Variants in PDE1C observed in about 807,000 individuals in gnomAD.
PDE1C encodes dual specificity calcium/calmodulin-dependent 3',5'-cyclic nucleotide phosphodiesterase 1C.
PDE1C carries 62 observed loss-of-function variants against 93.1 expected under a neutral mutation model. The observed-to-expected ratio is 0.67, with a 90% CI of 0.54 to 0.82. The LOEUF (loss-of-function observed/expected upper bound fraction) is 0.82, where lower values mean the gene tolerates loss of function less well. Ranked by LOEUF, PDE1C falls within the 40% of genes least tolerant of loss-of-function variation. The pLI, the probability that PDE1C is intolerant of heterozygous loss-of-function variation, is 0.00. For synonymous variants in PDE1C, 325 were observed against 310.1 expected (o/e 1.05, Z -0.50); for missense variants, 742 against 884.6 (o/e 0.84, Z 2.04).
intron 1 of PDE1C, among the ~76,000 whole-genome samples, chr7:32,213,669 C>T (rs796446801): frequency 2.6e-5 from 4 of 152,290 alleles, no homozygotes; most frequent in African/African-American, 9.6e-5. Flanking sequence ...ATACAGCAAG[C>T]TTTCACAATA....
At chr7:32,381,441 C>T (rs563175163) in intron 1 of PDE1C, among the ~76,000 whole-genome samples, 3 of 152,194 alleles carry the variant, frequency 2.0e-5, no homozygotes, top group Admixed American at 6.5e-5. Flanking sequence ...ATATCCTTAT[C>T]GTGACTCATC....
At chr7:31,855,026 C>G (rs901834356) in intron 7 of PDE1C, among the ~76,000 whole-genome samples, 1 of 148,056 alleles carries the variant, frequency 6.8e-6, no homozygotes, top group Non-Finnish European at 1.5e-5. Flanking sequence ...GAGATCACAC[C>G]ACTGCACTCC....
At chr7:32,424,231 A>G (rs538079166) in intron 1 of PDE1C, among the ~76,000 whole-genome samples, 2 of 152,338 alleles carry the variant, frequency 1.3e-5, no homozygotes, top group Middle Eastern at 3.4e-3. Flanking sequence ...ACATGATGAC[A>G]GAGAAATAGT....
chr7:31,678,719 C>A, the PDE1C span, among the ~76,000 whole-genome samples: 1,729 of 152,172 alleles, frequency 0.011, 54 homozygotes, highest in African/African-American at 0.039. Flanking sequence ...TCTGAGGTCA[C>A]CAAAAGTATA....
chr7:31,616,896 T>C, the PDE1C span, among the ~76,000 whole-genome samples: 1 of 152,220 alleles, frequency 6.6e-6, no homozygotes, highest in Non-Finnish European at 1.5e-5. Flanking sequence ...TTGCTTACTT[T>C]TTGCCTTCTT....
chr7:31,775,158 T>C (rs980240746), intron 17 of PDE1C, among the ~76,000 whole-genome samples: 14 of 152,180 alleles, frequency 9.2e-5, no homozygotes, highest in Admixed American at 3.3e-4. Context: ...TATTTCTCGA[T>C]AGTAGAGATT....
At chr7:31,961,919 C>CA (rs1809052583) in intron 2 of PDE1C, among the ~76,000 whole-genome samples, 1 of 152,176 alleles carries the variant, frequency 6.6e-6, no homozygotes, top group South Asian at 2.1e-4. Context: ...AATCCTGACT[C>CA]AGATTGCTGA....
chr7:32,245,474 T>C (rs968913812), intron 1 of PDE1C, among the ~76,000 whole-genome samples: 3 of 152,192 alleles, frequency 2.0e-5, no homozygotes, highest in Non-Finnish European at 2.9e-5. Flanking sequence ...CTGTCCCTTC[T>C]CCAGCCCAAT....
At chr7:32,094,404 A>G (rs1314302839) in intron 3 of PDE1C, among the ~76,000 whole-genome samples, 2 of 152,238 alleles carry the variant, frequency 1.3e-5, no homozygotes, top group Non-Finnish European at 2.9e-5. Context: ...ATGAGGAAGC[A>G]CATGATATTT....
chr7:31,697,921 G>A, the PDE1C span, among the ~76,000 whole-genome samples: 2 of 152,304 alleles, frequency 1.3e-5, no homozygotes, highest in Non-Finnish European at 2.9e-5. Flanking sequence ...AAAGTCTTAT[G>A]TGGATACAAT....
the PDE1C span, among the ~76,000 whole-genome samples, chr7:31,715,440 T>C: frequency 6.6e-6 from 1 of 152,202 alleles, no homozygotes; most frequent in Admixed American, 6.5e-5. Context: ...GGTTTCGCCA[T>C]ATTGGCCAGG....
chr7:31,860,393 C>T (rs1315851578), intron 7 of PDE1C, among the ~76,000 whole-genome samples: 2 of 152,186 alleles, frequency 1.3e-5, no homozygotes, highest in African/African-American at 4.8e-5. Flanking sequence ...CCCTGCTCTA[C>T]ATCCTAACCA....
At chr7:32,200,996 T>C (rs1320112955) in intron 2 of PDE1C, among the ~76,000 whole-genome samples, 1 of 152,232 alleles carries the variant, frequency 6.6e-6, no homozygotes, top group African/African-American at 2.4e-5. Flanking sequence ...TCTCCCCATG[T>C]AGATGTTAAA....
intron 2 of PDE1C, among the ~76,000 whole-genome samples, chr7:31,945,908 T>C (rs117146933): frequency 0.01 from 1,599 of 152,304 alleles, 15 homozygotes; most frequent in Non-Finnish European, 0.019. Context: ...GAAGATTCTA[T>C]TGACCCATTT....
chr7:32,133,515 G>C (rs1423722904), intron 3 of PDE1C, among the ~76,000 whole-genome samples: 3 of 152,152 alleles, frequency 2.0e-5, no homozygotes, highest in African/African-American at 7.2e-5. Context: ...CTGCTGCCAG[G>C]GAGTGAGGAA....
chr7:32,403,552 A>G (rs1336122414), intron 1 of PDE1C, among the ~76,000 whole-genome samples: 1 of 152,178 alleles, frequency 6.6e-6, no homozygotes, highest in Non-Finnish European at 1.5e-5. Context: ...CATCACTTTA[A>G]TCTTTCAAGG....
intron 1 of PDE1C, among the ~76,000 whole-genome samples, chr7:32,230,814 G>A (rs920620200): frequency 6.6e-6 from 1 of 152,070 alleles, no homozygotes; most frequent in Non-Finnish European, 1.5e-5. Flanking sequence ...AATGACTACT[G>A]AGCTCCCTGA....
chr7:32,075,819 C>T (rs1029851633), upstream of PDE1C, among the ~76,000 whole-genome samples: 1 of 152,156 alleles, frequency 6.6e-6, no homozygotes, highest in Non-Finnish European at 1.5e-5. Flanking sequence ...CAGGATCCTT[C>T]AGTTGCTCCC....
the PDE1C span, among the ~76,000 whole-genome samples, chr7:31,738,917 C>T: frequency 2.0e-5 from 3 of 151,994 alleles, no homozygotes; most frequent in African/African-American, 7.3e-5. Flanking sequence ...GCCATGGAGA[C>T]CTTCTCACAG....
Sources: allele counts gnomAD v4.1 joint callset (sites outside exome capture counted in the v4.1 genomes callset), GRCh38; gene constraint gnomAD v4.1.1; transcripts MANE v1.5; gene names NCBI Gene and HGNC (gene_info 2026-07-23, HGNC 2026-07-21).